Variants in GABRA3 observed in about 807,000 individuals in gnomAD.
GABRA3 encodes gamma-aminobutyric acid receptor subunit alpha-3.
GABRA3 carries 10 observed loss-of-function variants against 30.1 expected under a neutral mutation model. The ratio of observed to expected loss-of-function variants is 0.33; its 90% CI spans 0.20 to 0.56. The LOEUF (loss-of-function observed/expected upper bound fraction) is 0.56. Among genes scored for constraint, GABRA3 ranks in the 20% least tolerant of loss-of-function variants. The probability of loss-of-function intolerance (pLI) is 0.89; values close to 1 mark genes in which losing one functional copy is unlikely to be tolerated. For synonymous variants in GABRA3, 151 were observed against 146.8 expected, an observed-to-expected ratio of 1.03 and a Z score of -0.21; for missense variants, 233 against 392.0, an observed-to-expected ratio of 0.59 and a Z score of 3.42.
chrX:152,183,966 C>T (rs1490411616), intron 9 of GABRA3, among the ~76,000 whole-genome samples: 2 of 110,766 alleles, frequency 1.8e-5, no homozygotes, highest in Non-Finnish European at 3.8e-5. Context: ...GGTTTTATCC[C>T]TAGATCTCTT....
chrX:152,449,365 A>T (rs1931164776), intron 1 of GABRA3, among the ~76,000 whole-genome samples: 2 of 112,286 alleles, frequency 1.8e-5, no homozygotes, highest in South Asian at 7.4e-4. Flanking sequence ...AGAGAAATAA[A>T]GCTTAATGAA....
intron 5 of GABRA3, among the ~76,000 whole-genome samples, chrX:152,245,378 G>T (rs891943522): frequency 2.7e-5 from 3 of 111,269 alleles, no homozygotes; most frequent in South Asian, 3.8e-4. Context: ...AGTACAGCAT[G>T]AGTCACTTGA....
intron 4 of GABRA3, among the ~76,000 whole-genome samples, chrX:152,270,215 A>G (rs1044739996): frequency 9.0e-6 from 1 of 111,320 alleles, no homozygotes; most frequent in African/African-American, 3.3e-5. Context: ...TGTTCTTGTC[A>G]TAGTGAGTGA....
intron 1 of GABRA3, among the ~76,000 whole-genome samples, chrX:152,390,817 C>A (rs1187420531): frequency 9.0e-6 from 1 of 110,842 alleles, no homozygotes. Flanking sequence ...ACATACCAAG[C>A]ACTAAGCACT....
At chrX:152,277,266 T>G (rs1939103623) in intron 4 of GABRA3, among the ~76,000 whole-genome samples, 1 of 110,130 alleles carries the variant, frequency 9.1e-6, no homozygotes, top group Non-Finnish European at 1.9e-5. Flanking sequence ...AATTAACAGT[T>G]TTTTTTTTCT....
chrX:152,242,820 A>G (rs1170165030), intron 5 of GABRA3, among the ~76,000 whole-genome samples: 1 of 112,337 alleles, frequency 8.9e-6, no homozygotes, highest in Non-Finnish European at 1.9e-5. Context: ...CTCAAAAATT[A>G]AAAATAGAAA....
At chrX:152,396,849 A>C (rs758612900) in intron 1 of GABRA3, among the ~76,000 whole-genome samples, 1 of 112,128 alleles carries the variant, frequency 8.9e-6, no homozygotes, top group South Asian at 3.7e-4. Flanking sequence ...GGCAAATATA[A>C]CTAACATGCT....
intron 6 of GABRA3, among the ~76,000 whole-genome samples, chrX:152,217,333 T>C (rs1386705893): frequency 9.0e-6 from 1 of 111,580 alleles, no homozygotes; most frequent in Non-Finnish European, 1.9e-5. Context: ...ATAAGTTGCT[T>C]GAATCCGTTG....
At chrX:152,234,176 C>T (rs939454425) in intron 5 of GABRA3, among the ~76,000 whole-genome samples, 3 of 104,590 alleles carry the variant, frequency 2.9e-5, no homozygotes, top group African/African-American at 1.1e-4. Context: ...TGTACATGTA[C>T]CCTAAAACTT....
At position 152,182,564 on chromosome X, in the gene GABRA3, T is replaced by C. The variant is rs772676170; in HGVS notation, c.1143+7166A>G. 3.8e-3 allele frequency among the ~76,000 whole-genome samples: 115 copies of C among 30,505 alleles called. 1 individual carries two copies. The highest frequency in any genetic ancestry group is 0.012 in the African/African-American group (92 of 7,846). 26.5% of individuals were successfully genotyped at this position (30,505 alleles called of 115,157 possible). A position where few individuals can be genotyped will look rare whatever the true frequency, so the allele number is the denominator to read the frequency against. On this transcript the variant is annotated intron_variant, in intron 9 of 9. Coordinates refer to ENST00000370314, the MANE Select transcript of GABRA3 (RefSeq NM_000808.4). Reference sequence around the variant, plus strand: ...ATAGTGTATATATACACTATATATATACTATATATGCATATATAGTGTATA... The same window carrying C: ...ATAGTGTATATATACACTATATATACACTATATATGCATATATAGTGTATA...
chrX:152,247,237 G>A (rs190860440), intron 5 of GABRA3, among the ~76,000 whole-genome samples: 3 of 111,624 alleles, frequency 2.7e-5, no homozygotes, highest in Non-Finnish European at 5.7e-5. Context: ...AGAAACTAGC[G>A]CCTATTTCCT....
chrX:152,314,341 T>A (rs1229670397), intron 3 of GABRA3, among the ~76,000 whole-genome samples: 1 of 112,110 alleles, frequency 8.9e-6, no homozygotes, highest in Non-Finnish European at 1.9e-5. Flanking sequence ...AACAGAACAA[T>A]AAATAATTGC....
chrX:152,373,787 C>G (rs1173813414), intron 1 of GABRA3, among the ~76,000 whole-genome samples: 1 of 108,296 alleles, frequency 9.2e-6, no homozygotes, highest in Non-Finnish European at 1.9e-5. Context: ...ATCCCCCCAC[C>G]CTACAACAGG....
At chrX:152,290,901 G>T (rs1444957130) in intron 3 of GABRA3, among the ~76,000 whole-genome samples, 2 of 111,929 alleles carry the variant, frequency 1.8e-5, no homozygotes, top group East Asian at 5.6e-4. Context: ...GTAACATGCT[G>T]TTTTGGTTAC....
intron 1 of GABRA3, among the ~76,000 whole-genome samples, chrX:152,371,295 C>T (rs762241494): frequency 9.0e-6 from 1 of 111,576 alleles, no homozygotes; most frequent in Non-Finnish European, 1.9e-5. Flanking sequence ...CTGCAAATAG[C>T]TTTGCTTCTT....
At chrX:152,186,348 C>T (rs1188410796) in intron 9 of GABRA3, among the ~76,000 whole-genome samples, 1 of 109,790 alleles carries the variant, frequency 9.1e-6, no homozygotes, top group African/African-American at 3.3e-5. Flanking sequence ...TCCCAAGTAG[C>T]ATGCTACCGT....
At chrX:152,374,089 G>A (rs1215697712) in intron 1 of GABRA3, among the ~76,000 whole-genome samples, 1 of 110,248 alleles carries the variant, frequency 9.1e-6, no homozygotes, top group African/African-American at 3.3e-5. Context: ...TATGTTTGTT[G>A]GCCACATGAA....
At chrX:152,248,358 G>C (rs1462642040) in intron 5 of GABRA3, among the ~76,000 whole-genome samples, 1 of 111,333 alleles carries the variant, frequency 9.0e-6, no homozygotes, top group African/African-American at 3.3e-5. Context: ...CTCAAGGCCT[G>C]GTCTATAAAT....
chrX:152,368,706 T>A (rs936220221), intron 1 of GABRA3, among the ~76,000 whole-genome samples: 31 of 80,995 alleles, frequency 3.8e-4, no homozygotes, highest in African/African-American at 1.4e-3. Context: ...TTTTTCTTTT[T>A]TTTTTTTTTT....
Sources: allele counts gnomAD v4.1 joint callset (sites outside exome capture counted in the v4.1 genomes callset), GRCh38; gene constraint gnomAD v4.1.1; transcripts MANE v1.5; gene names NCBI Gene and HGNC (gene_info 2026-07-23, HGNC 2026-07-21).